NFIA: variants seen among roughly 807,000 people sequenced by gnomAD.
The protein encoded by NFIA is nuclear factor I A.
Under a neutral mutation model 62.8 loss-of-function variants are expected in NFIA, and 8 were observed. That is an observed-to-expected ratio of 0.13 (90% confidence interval 0.07 to 0.23). NFIA has a LOEUF of 0.23. Among genes scored for constraint, NFIA ranks in the 10% least tolerant of loss-of-function variants. NFIA has a pLI of 1.00. For synonymous variants in NFIA, 235 were observed against 238.1 expected, an observed-to-expected ratio of 0.99 and a Z score of 0.12; for missense variants, 410 against 642.1, an observed-to-expected ratio of 0.64 and a Z score of 3.91.
intron 2 of NFIA, among the ~76,000 whole-genome samples, chr1:61,178,925 C>T (rs1650571728): frequency 6.6e-6 from 1 of 152,166 alleles, no homozygotes; most frequent in South Asian, 2.1e-4. Context: ...AGATTGGGCT[C>T]CCTGCCTGTG....
chr1:61,393,052 C>T (rs35512510), intron 7 of NFIA, among the ~76,000 whole-genome samples: 2 of 151,930 alleles, frequency 1.3e-5, no homozygotes. Context: ...TTTAAGACTT[C>T]CTGGTATCGT....
At chr1:61,227,409 G>A (rs111338866) in intron 2 of NFIA, among the ~76,000 whole-genome samples, 278 of 152,270 alleles carry the variant, frequency 1.8e-3, no homozygotes, top group African/African-American at 6.3e-3. Context: ...GAACAGGCAC[G>A]ATTTGATGAT....
intron 3 of NFIA, among the ~76,000 whole-genome samples, chr1:61,318,053 A>G (rs922947896): frequency 1.1e-4 from 16 of 152,154 alleles, no homozygotes. Flanking sequence ...ATGAATGAAC[A>G]TTTTGCCATA....
At chr1:61,334,662 G>A (rs181233783) in intron 4 of NFIA, among the ~76,000 whole-genome samples, 5 of 147,412 alleles carry the variant, frequency 3.4e-5, no homozygotes, top group Admixed American at 2.7e-4. Context: ...TACATTCATT[G>A]AGCCCTCACT....
chr1:61,219,014 C>G (rs1368529991), intron 2 of NFIA, among the ~76,000 whole-genome samples: 1 of 152,012 alleles, frequency 6.6e-6, no homozygotes, highest in African/African-American at 2.4e-5. Context: ...GGCATATCAC[C>G]TGAGGTCAGG....
At chr1:61,366,848 A>G (rs1205062250) in intron 6 of NFIA, among the ~76,000 whole-genome samples, 1 of 152,152 alleles carries the variant, frequency 6.6e-6, no homozygotes, top group Non-Finnish European at 1.5e-5. Flanking sequence ...GCTTGAACCC[A>G]GGAGGCAGAG....
chr1:61,288,181 T>C (rs1188188433), intron 3 of NFIA, among the ~76,000 whole-genome samples: 1 of 152,194 alleles, frequency 6.6e-6, no homozygotes, highest in Non-Finnish European at 1.5e-5. Flanking sequence ...TACATCCAGT[T>C]ACTGGCAGAC....
intron 3 of NFIA, among the ~76,000 whole-genome samples, chr1:61,289,695 AAAC>A (rs1351507153): frequency 2.0e-5 from 3 of 152,226 alleles, no homozygotes; most frequent in Non-Finnish European, 2.9e-5. Flanking sequence ...TTCTGAGCAC[AAAC>A]AACGTTAGTT....
At chr1:61,128,218 G>A (rs540041261) in intron 2 of NFIA, among the ~76,000 whole-genome samples, 1 of 152,122 alleles carries the variant, frequency 6.6e-6, no homozygotes, top group South Asian at 2.1e-4. Context: ...CAAAGTGCTG[G>A]GATTACAGGC....
rs1171069176 is a variant in NFIA, at chr1:61,291,121, C to T, written c.625+13536C>T. Among the ~76,000 whole-genome samples, 4 of 152,184 alleles carry T rather than the reference C, an allele frequency of 2.6e-5. No individual in the cohort carries two copies. The East Asian group carries it at 7.7e-4, about 29-fold the overall frequency. On this transcript the variant is annotated intron_variant, in intron 3 of 10. Transcript: ENST00000403491. ...ACTGGTTAATAGCCTTTAACTTTAT[C>T]TTAGGAAAGACGAAGAAAGAAGAGA...
intron 2 of NFIA, among the ~76,000 whole-genome samples, chr1:61,191,076 T>G (rs1651582624): frequency 6.6e-6 from 1 of 152,078 alleles, no homozygotes. Context: ...GTAGCCTATT[T>G]GTAAATTTCA....
intron 2 of NFIA, among the ~76,000 whole-genome samples, chr1:61,188,696 T>C (rs1651386421): frequency 6.6e-6 from 1 of 152,234 alleles, no homozygotes; most frequent in Non-Finnish European, 1.5e-5. Context: ...TCTTGTAATG[T>C]AGAAATCAGT....
chr1:61,123,438 G>A (rs1343952199), intron 2 of NFIA, among the ~76,000 whole-genome samples: 1 of 152,206 alleles, frequency 6.6e-6, no homozygotes, highest in African/African-American at 2.4e-5. Flanking sequence ...TCAAATATAG[G>A]TGAAAGAATT....
rs10544967 is a variant in NFIA, at chr1:61,352,756, TAC to T, written c.818+216_818+217del. On this transcript the variant is annotated intron_variant, in intron 5 of 10. Transcript: ENST00000403491. ...CAAATATGCATGTGGCAAGATTAAA[TAC>T]ACACACACACACACACACACACACA... Among the ~76,000 whole-genome samples the T allele has an allele frequency of 0.26, 38,716 of 150,406 alleles. 5,185 individuals carry two copies. Among genetic ancestry groups the T allele is most frequent in the African/African-American group, 0.28 (11,547 of 40,938 alleles).
intron 3 of NFIA, among the ~76,000 whole-genome samples, chr1:61,316,662 G>A (rs550435543): frequency 6.6e-6 from 1 of 152,248 alleles, no homozygotes; most frequent in South Asian, 2.1e-4. Flanking sequence ...ACTTGGAGCC[G>A]AGTCTGAGAT....
chr1:61,278,117 G>A (rs1054087349), intron 3 of NFIA, among the ~76,000 whole-genome samples: 23 of 152,180 alleles, frequency 1.5e-4, no homozygotes, highest in African/African-American at 5.1e-4. Flanking sequence ...AAAATAGTGA[G>A]GATACAGGGC....
At chr1:61,131,870 C>T (rs1647086615) in intron 2 of NFIA, among the ~76,000 whole-genome samples, 1 of 152,124 alleles carries the variant, frequency 6.6e-6, no homozygotes, top group African/African-American at 2.4e-5. Flanking sequence ...AGCTCTGTTA[C>T]TGTTAAAAGA....
intron 3 of NFIA, among the ~76,000 whole-genome samples, chr1:61,299,543 G>T (rs1403997064): frequency 1.3e-5 from 2 of 152,152 alleles, no homozygotes; most frequent in Non-Finnish European, 2.9e-5. Context: ...TAACAAATTT[G>T]AGGAAAATGT....
intron 7 of NFIA, among the ~76,000 whole-genome samples, chr1:61,393,175 A>G: frequency 1.3e-5 from 1 of 75,018 alleles, no homozygotes; most frequent in Non-Finnish European, 2.3e-5. Context: ...TTCAGCATAG[A>G]ATAAAAAATT....
Sources: allele counts gnomAD v4.1 joint callset (sites outside exome capture counted in the v4.1 genomes callset), GRCh38; gene constraint gnomAD v4.1.1; transcripts MANE v1.5; gene names NCBI Gene and HGNC (gene_info 2026-07-23, HGNC 2026-07-21).